ATP9B: variants seen among roughly 807,000 people sequenced by gnomAD.
The protein encoded by ATP9B is ATPase phospholipid transporting 9B.
In ATP9B, 110 loss-of-function variants were observed where a neutral mutation model predicts 146.1. The observed-to-expected ratio is 0.75, with a 90% CI of 0.65 to 0.88. The LOEUF (loss-of-function observed/expected upper bound fraction) is 0.88, where lower values mean the gene tolerates loss of function less well. Ranked by LOEUF, ATP9B falls within the 40% of genes least tolerant of loss-of-function variation. The pLI is 0.00. For missense variants in ATP9B, 1,499 were observed against 1,496.4 expected (o/e 1.00, Z -0.03); for synonymous variants, 604 against 569.7 (o/e 1.06, Z -0.86).
chr18:79,348,007 G>C, intron 24 of ATP9B, 82 bp downstream of exon 24: 1 of 1,603,490 alleles, frequency 6.2e-7, no homozygotes, highest in African/African-American at 1.3e-5. Context: ...TCCGGGAGTG[G>C]GGGTGCTGAG....
At chr18:79,247,736 A>G (rs1031756685) in intron 11 of ATP9B, among the ~76,000 whole-genome samples, 1 of 152,178 alleles carries the variant, frequency 6.6e-6, no homozygotes, top group Non-Finnish European at 1.5e-5. Flanking sequence ...TGATTCTTGC[A>G]TTAATACTTT....
chr18:79,278,882 A>G (rs2096344777), intron 13 of ATP9B, among the ~76,000 whole-genome samples: 2 of 152,208 alleles, frequency 1.3e-5, no homozygotes, highest in African/African-American at 4.8e-5. Context: ...GAAAACAAGC[A>G]GGAGTAAAAA....
intron 1 of ATP9B, among the ~76,000 whole-genome samples, chr18:79,071,260 T>G (rs747558720): frequency 6.6e-5 from 10 of 151,870 alleles, no homozygotes; most frequent in Non-Finnish European, 1.3e-4. Flanking sequence ...GTCCTCACTT[T>G]AAGTATCATG....
chr18:79,249,690 A>G (rs1408772872), intron 11 of ATP9B, among the ~76,000 whole-genome samples: 2 of 152,216 alleles, frequency 1.3e-5, no homozygotes, highest in African/African-American at 4.8e-5. Context: ...TTTTTATTTT[A>G]AATAGTTTAT....
chr18:79,319,261 C>T (rs760116733), intron 15 of ATP9B, among the ~76,000 whole-genome samples: 10 of 152,204 alleles, frequency 6.6e-5, no homozygotes, highest in Admixed American at 1.3e-4. Flanking sequence ...GTTAAAGACA[C>T]GTAAGCTGCC....
chr18:79,366,650 G>C (rs2097031157), intron 26 of ATP9B, among the ~76,000 whole-genome samples: 1 of 152,184 alleles, frequency 6.6e-6, no homozygotes, highest in Admixed American at 6.5e-5. Flanking sequence ...GCATGACTTA[G>C]TAAACACACA....
intron 26 of ATP9B, among the ~76,000 whole-genome samples, chr18:79,370,694 A>C (rs947090219): frequency 6.6e-6 from 1 of 152,124 alleles, no homozygotes; most frequent in African/African-American, 2.4e-5. Flanking sequence ...TTATTAATCT[A>C]TAATATCATC....
chr18:79,302,858 TAG>T (rs2096600030), intron 13 of ATP9B, among the ~76,000 whole-genome samples: 1 of 152,224 alleles, frequency 6.6e-6, no homozygotes, highest in South Asian at 2.1e-4. Context: ...TTTTTTGAAA[TAG>T]GTTTTTTTAA....
chr18:79,073,592 C>T (rs570388130), intron 1 of ATP9B, among the ~76,000 whole-genome samples: 74 of 152,238 alleles, frequency 4.9e-4, no homozygotes, highest in African/African-American at 1.6e-3. Context: ...AGTCCAGCCT[C>T]GGCAACAGAG....
chr18:79,264,721 A>G (rs1390386562), intron 12 of ATP9B, among the ~76,000 whole-genome samples: 1 of 150,550 alleles, frequency 6.6e-6, no homozygotes, highest in Non-Finnish European at 1.5e-5. Context: ...TAAATACCAT[A>G]TTTCTGCAAA....
At position 79,075,366 on chromosome 18, in the gene ATP9B, C is replaced by T. The variant is rs532851075; in HGVS notation, c.119+5837C>T. Among the ~76,000 whole-genome samples the T allele has an allele frequency of 1.3e-3, 204 of 152,262 alleles. 2 individuals are homozygous for T. The highest frequency in any genetic ancestry group is 4.9e-3 in the African/African-American group (202 of 41,558). On this transcript the variant is annotated intron_variant, in intron 1 of 29. Coordinates refer to ENST00000426216, the MANE Select transcript of ATP9B (RefSeq NM_198531.5). Reference sequence around the variant, plus strand: ...GATGGGGTTGCACTGGACTTGAACTCCTGGGCTCAGTGATCGCCTTCTGTC... The same window carrying T: ...GATGGGGTTGCACTGGACTTGAACTTCTGGGCTCAGTGATCGCCTTCTGTC...
rs137963592 is a variant in ATP9B at position 79,143,852 on chromosome 18, G to C, written c.718G>C (p.Val240Leu). Reference sequence around the variant, plus strand: ...CATACAAGTTGGAGACCTCATCATAGTGGAAAAGGTTGATGATTTTTTAAT... The same window carrying C: ...CATACAAGTTGGAGACCTCATCATACTGGAAAAGGTTGATGATTTTTTAAT... ...SDIQVGDLII[V>L]EKNQRIPSDM... The change falls in exon 6 of 30, where the codon GTG becomes CTG. Residue 240 changes from valine (V) to leucine (L), a missense_variant. Coordinates refer to ENST00000426216, the MANE Select transcript of ATP9B (RefSeq NM_198531.5). 6.4e-7 allele frequency: 1 copy of C among 1,573,636 alleles called. No individual in the cohort carries two copies. Among genetic ancestry groups the C allele is most frequent in the African/African-American group, 1.4e-5 (1 of 73,358 alleles).
intron 5 of ATP9B, among the ~76,000 whole-genome samples, chr18:79,135,602 CTT>C (rs766527863): frequency 1.3e-5 from 2 of 152,134 alleles, no homozygotes; most frequent in Non-Finnish European, 2.9e-5. Flanking sequence ...AGTTTATTGA[CTT>C]TGCATCCTTT....
intron 15 of ATP9B, among the ~76,000 whole-genome samples, chr18:79,307,680 A>G (rs1568634366): frequency 1.3e-5 from 2 of 152,242 alleles, no homozygotes; most frequent in Non-Finnish European, 2.9e-5. Context: ...ATTTATTTCA[A>G]AAGAAAATTG....
chr18:79,271,546 T>A (rs1303853515), intron 12 of ATP9B, among the ~76,000 whole-genome samples: 53 of 139,746 alleles, frequency 3.8e-4, no homozygotes, highest in Admixed American at 5.8e-4. Context: ...GCTTCATCCA[T>A]GTCCCTACAA....
chr18:79,164,706 G>A (rs890614341), intron 7 of ATP9B, among the ~76,000 whole-genome samples: 1 of 152,094 alleles, frequency 6.6e-6, no homozygotes, highest in African/African-American at 2.4e-5. Flanking sequence ...GTGACAGAGC[G>A]AGACTCCATC....
At chr18:79,130,146 A>G (rs2094353429) in intron 5 of ATP9B, among the ~76,000 whole-genome samples, 1 of 152,232 alleles carries the variant, frequency 6.6e-6, no homozygotes, top group African/African-American at 2.4e-5. Context: ...AAAGCCAGAC[A>G]TCAGACTTAG....
chr18:79,200,284 A>T (rs1040527778), intron 9 of ATP9B, among the ~76,000 whole-genome samples: 1 of 152,192 alleles, frequency 6.6e-6, no homozygotes, highest in Non-Finnish European at 1.5e-5. Context: ...AAATGTTGTT[A>T]TGTTGTACAC....
At chr18:79,136,356 GGTTA>G (rs2147315028) in intron 5 of ATP9B, among the ~76,000 whole-genome samples, 1 of 152,124 alleles carries the variant, frequency 6.6e-6, no homozygotes, top group South Asian at 2.1e-4. Flanking sequence ...GTTTTTTGAG[GGTTA>G]GTTGTCTTTT....
Sources: allele counts gnomAD v4.1 joint callset (sites outside exome capture counted in the v4.1 genomes callset), GRCh38; gene constraint gnomAD v4.1.1; transcripts MANE v1.5; gene names NCBI Gene and HGNC (gene_info 2026-07-23, HGNC 2026-07-21).